The following OCLN variants were observed in gnomAD, a reference collection of about 807,000 sequenced individuals.
OCLN encodes occludin.
In OCLN, 21 loss-of-function variants were observed where a neutral mutation model predicts 47.9. The ratio of observed to expected loss-of-function variants is 0.44; its 90% CI spans 0.31 to 0.63. The LOEUF is 0.63. OCLN is among the 30% of genes least tolerant of loss of function. The pLI is 0.08. For synonymous variants in OCLN, 117 were observed against 198.4 expected, an observed-to-expected ratio of 0.59 and a Z score of 3.45; for missense variants, 360 against 571.0, an observed-to-expected ratio of 0.63 and a Z score of 3.77.
At chr5:69,528,835 A>G (rs1769352405) in intron 4 of OCLN, among the ~76,000 whole-genome samples, 2 of 152,150 alleles carry the variant, frequency 1.3e-5, no homozygotes, top group South Asian at 2.1e-4. Flanking sequence ...TTTCCTTCTT[A>G]GAGGTAGATG....
chr5:69,546,551 C>T (rs1267559633), intron 6 of OCLN, among the ~76,000 whole-genome samples: 1 of 142,182 alleles, frequency 7.0e-6, no homozygotes, highest in African/African-American at 2.8e-5. Context: ...GATCTTGGCT[C>T]ACTGCAACCT....
rs577458469 is a variant in OCLN at position 69,533,256 on chromosome 5, C to T, written c.892-1438C>T. On this transcript the variant is annotated intron_variant, in intron 4 of 8. Transcript: ENST00000396442. ...ATTGACCTAGGGGAAGAAGCTGAGG[C>T]AAAATTAATATAGAAAATTTATTTG... is the stretch of plus-strand genomic sequence containing the variant. 2.2e-4 allele frequency among the ~76,000 whole-genome samples: 33 copies of T among 152,036 alleles called. No homozygotes were observed. The East Asian group carries it at 5.2e-3, about 24-fold the overall frequency.
At chr5:69,520,028 A>G (rs1237668240) in intron 4 of OCLN, among the ~76,000 whole-genome samples, 3 of 151,984 alleles carry the variant, frequency 2.0e-5, no homozygotes, top group Non-Finnish European at 2.9e-5. Context: ...GCACGATCTC[A>G]GCTCATTGCA....
At chr5:69,533,900 T>C (rs1769518127) in intron 4 of OCLN, among the ~76,000 whole-genome samples, 1 of 152,192 alleles carries the variant, frequency 6.6e-6, no homozygotes, top group Non-Finnish European at 1.5e-5. Flanking sequence ...GACCTCATGA[T>C]CCACCCGCCT....
chr5:69,526,163 G>A (rs1561345938), intron 4 of OCLN, among the ~76,000 whole-genome samples: 1 of 152,164 alleles, frequency 6.6e-6, no homozygotes, highest in Non-Finnish European at 1.5e-5. Context: ...CTCCCACCCT[G>A]GAGTTTATGA....
At chr5:69,521,601 T>C (rs1769139662) in intron 4 of OCLN, among the ~76,000 whole-genome samples, 1 of 152,170 alleles carries the variant, frequency 6.6e-6, no homozygotes, top group African/African-American at 2.4e-5. Context: ...GTCACTGTAC[T>C]CCAGCTTAGG....
intron 3 of OCLN, among the ~76,000 whole-genome samples, chr5:69,511,059 G>T (rs1455593435): frequency 6.6e-6 from 1 of 151,948 alleles, no homozygotes; most frequent in Admixed American, 6.6e-5. Context: ...TGGAGAAATG[G>T]CTGTTTAGAC....
rs956007881 is a variant in OCLN at position 69,554,756 on chromosome 5, C to A, written c.*1085C>A. On this transcript the variant is annotated 3_prime_UTR_variant, in exon 9 of 9. Coordinates refer to ENST00000396442, the MANE Select transcript of OCLN (RefSeq NM_001205254.2). The stretch of plus-strand genomic sequence containing the variant: ...TATACCACGAAATACCAAATAATTT[C>A]AAATGGTGCCCTTAAATTGTATCAC... The A allele has an allele frequency of 5.9e-5, 9 of 151,736 alleles. No individual in the cohort carries two copies. Among genetic ancestry groups the A allele is most frequent in the African/African-American group, 2.2e-4 (9 of 41,298 alleles). The allele number at this position is 151,736 out of a possible 1,614,324, so 9.4% of individuals were successfully genotyped here. A position where few individuals can be genotyped will look rare whatever the true frequency, so the allele number is the denominator to read the frequency against.
intron 2 of OCLN, among the ~76,000 whole-genome samples, chr5:69,508,486 G>A (rs566912141): frequency 4.6e-5 from 7 of 151,888 alleles, no homozygotes; most frequent in Admixed American, 1.3e-4. Context: ...GATTACAGGC[G>A]CATGCCACCA....
chr5:69,502,826 C>T (rs1005136595), intron 1 of OCLN, among the ~76,000 whole-genome samples: 2 of 152,090 alleles, frequency 1.3e-5, no homozygotes, highest in Admixed American at 6.6e-5. Flanking sequence ...CACCTACGGA[C>T]GTAGGCAGAT....
intron 4 of OCLN, among the ~76,000 whole-genome samples, chr5:69,518,020 A>C (rs1216866103): frequency 1.3e-5 from 2 of 152,208 alleles, no homozygotes. Context: ...AAGGGAGACC[A>C]ATGCCAGTAA....
chr5:69,555,322 G>A lies in OCLN; in HGVS notation c.*1651G>A, dbSNP rs1769951406. The A allele has an allele frequency of 7.4e-6, 1 of 134,990 alleles. No individual in the cohort carries two copies. Among genetic ancestry groups the A allele is most frequent in the South Asian group, 2.5e-4 (1 of 4,006 alleles). The allele number at this position is 134,990 out of a possible 1,614,324, so 8.4% of individuals were successfully genotyped here. On this transcript the variant is annotated 3_prime_UTR_variant, in exon 9 of 9. Coordinates refer to ENST00000396442, the MANE Select transcript of OCLN (RefSeq NM_001205254.2). ...CTTGTTGAACAGGCTGGAGTGCAAT[G>A]TCGCGATCTCAGCTCACCACAACCT...
At chr5:69,533,056 T>C (rs1580584472) in intron 4 of OCLN, among the ~76,000 whole-genome samples, 6 of 148,406 alleles carry the variant, frequency 4.0e-5, no homozygotes, top group African/African-American at 1.2e-4. Flanking sequence ...TACACATATA[T>C]ACATATATAT....
intron 4 of OCLN, among the ~76,000 whole-genome samples, chr5:69,534,214 A>G (rs1769525780): frequency 1.6e-5 from 1 of 62,614 alleles, no homozygotes; most frequent in Non-Finnish European, 3.3e-5. Flanking sequence ...GAATGGATTA[A>G]GAACTACCAG....
At chr5:69,528,081 T>A (rs2112041208) in intron 4 of OCLN, among the ~76,000 whole-genome samples, 1 of 152,308 alleles carries the variant, frequency 6.6e-6, no homozygotes, top group East Asian at 1.9e-4. Context: ...TGTGGGACCG[T>A]CTGCCTTCAA....
At chr5:69,509,895 T>C in intron 3 of OCLN, 76 bp downstream of exon 3, 1 of 1,091,080 alleles carries the variant, frequency 9.2e-7, no homozygotes, top group Non-Finnish European at 1.4e-6. Context: ...ATAGAATCAC[T>C]CTGGAAACTC....
intron 4 of OCLN, among the ~76,000 whole-genome samples, chr5:69,526,397 G>T (rs2112036115): frequency 6.6e-6 from 1 of 152,272 alleles, no homozygotes; most frequent in Non-Finnish European, 1.5e-5. Context: ...CACAGGCTGG[G>T]CGACCAAAGA....
At chr5:69,502,124 G>A (rs527946101) in intron 1 of OCLN, among the ~76,000 whole-genome samples, 16 of 152,056 alleles carry the variant, frequency 1.1e-4, no homozygotes, top group Admixed American at 6.5e-4. Context: ...GCTTGAAGCC[G>A]GGAGGCGGAG....
intron 4 of OCLN, among the ~76,000 whole-genome samples, chr5:69,531,507 A>G (rs2112052102): frequency 6.6e-6 from 1 of 152,362 alleles, no homozygotes; most frequent in East Asian, 1.9e-4. Flanking sequence ...CTGATAAGGT[A>G]TTGGATTAAG....
Sources: gnomAD v4.1 joint callset for allele counts (sites outside exome capture counted in the v4.1 genomes callset) on GRCh38, gnomAD v4.1.1 for gene constraint, MANE v1.5 for transcripts, NCBI Gene and HGNC (gene_info 2026-07-23, HGNC 2026-07-21) for gene names.